Variants in CUL3 observed in about 807,000 individuals in gnomAD.
CUL3 encodes the protein cullin 3.
In CUL3, 19 loss-of-function variants were observed where a neutral mutation model predicts 89.1. The ratio of observed to expected loss-of-function variants is 0.21; its 90% CI spans 0.15 to 0.31. CUL3 has a LOEUF of 0.31. CUL3 is among the 10% of genes least tolerant of loss of function. CUL3 has a pLI of 1.00. For synonymous variants in CUL3, 351 were observed against 308.4 expected, an observed-to-expected ratio of 1.14 and a Z score of -1.45; for missense variants, 469 against 942.3, an observed-to-expected ratio of 0.50 and a Z score of 6.58.
intron 14 of CUL3, among the ~76,000 whole-genome samples, chr2:224,480,787 T>A (rs955552628): frequency 2.6e-5 from 4 of 152,164 alleles, no homozygotes; most frequent in African/African-American, 9.7e-5. Context: ...ATAAAGTAGT[T>A]ATGTCTTGCA....
intron 8 of CUL3, chr2:224,504,124 T>A (rs959818018): frequency 4.8e-6 from 1 of 206,474 alleles, no homozygotes; most frequent in East Asian, 1.1e-4. Context: ...TGAGAACAGA[T>A]GAAATGAAAT....
chr2:224,565,407 A>C (rs928088656), intron 1 of CUL3, among the ~76,000 whole-genome samples: 5 of 152,152 alleles, frequency 3.3e-5, no homozygotes, highest in Non-Finnish European at 5.9e-5. Context: ...GAGATGGAGG[A>C]GGGAGAGGTA....
Position 224,535,627 on chromosome 2 carries a change from T to C in CUL3, c.279A>G (p.Val93=), listed in dbSNP as rs759635188. 4.3e-6 allele frequency: 7 copies of C among 1,612,746 alleles called. No homozygotes were observed. The highest frequency in any genetic ancestry group is 1.1e-5 in the South Asian group (1 of 91,018). ...GAAAGTTGTTATTCAATGAATTTAG[T>C]ACATCTTCTCGCACCTAGTAACAGA... is the stretch of plus-strand genomic sequence containing the variant. ...EHLINKVRED[V]LNSLNNNFLQ... is the part of the protein sequence containing the mutation. Residue 93 remains valine, a synonymous_variant, in exon 3 of 16, where the codon GTA becomes GTG. Coordinates refer to ENST00000264414, the MANE Select transcript of CUL3 (RefSeq NM_003590.5).
At chr2:224,572,807 G>A (rs1467945501) in intron 1 of CUL3, among the ~76,000 whole-genome samples, 4 of 152,030 alleles carry the variant, frequency 2.6e-5, no homozygotes, top group Admixed American at 1.3e-4. Context: ...AAAGAATTCC[G>A]AGAGGACAAT....
At chr2:224,535,667 T>TGCACA (rs1369315153) in intron 2 of CUL3, 26 bp from the exon 3 acceptor site, 43 of 1,398,678 alleles carry the variant, frequency 3.1e-5, no homozygotes, top group Non-Finnish European at 4.2e-5. Flanking sequence ...TTCATTAGTT[T>TGCACA]GCACACACAC....
At chr2:224,548,585 T>C (rs1348202258) in intron 2 of CUL3, among the ~76,000 whole-genome samples, 2 of 152,308 alleles carry the variant, frequency 1.3e-5, no homozygotes, top group African/African-American at 4.8e-5. Flanking sequence ...ATTATTACTA[T>C]GGAGTATTAA....
At chr2:224,500,632 T>TC in intron 10 of CUL3, 145 bp from the exon 11 acceptor site, 1 of 715,912 alleles carries the variant, frequency 1.4e-6, no homozygotes, top group Non-Finnish European at 2.0e-6. Context: ...CTTTTCTTTT[T>TC]TTTTTTTTTT....
intron 1 of CUL3, among the ~76,000 whole-genome samples, chr2:224,581,184 C>G (rs552773666): frequency 1.8e-4 from 27 of 152,180 alleles, no homozygotes; most frequent in African/African-American, 6.5e-4. Context: ...ATCACGACGT[C>G]AGGAGTTCAA....
intron 2 of CUL3, among the ~76,000 whole-genome samples, chr2:224,546,420 A>C (rs775690391): frequency 9.2e-5 from 14 of 152,150 alleles, no homozygotes; most frequent in Admixed American, 6.6e-5. Flanking sequence ...AGATTTAGTA[A>C]TTAACTCGAG....
chr2:224,473,531 A>G lies in CUL3; in HGVS notation c.*714T>C, dbSNP rs1454340193. On this transcript the variant is annotated 3_prime_UTR_variant, in exon 16 of 16. Transcript: ENST00000264414. ...TATTGTACAATTTACACATACTAAA[A>G]TACTTTCTTTCTCTAGAAATAACTC... 5.5e-6 allele frequency: 1 copy of G among 183,054 alleles called. No individual in the cohort carries two copies. Among genetic ancestry groups the G allele is most frequent in the African/African-American group, 2.4e-5 (1 of 42,522 alleles). The allele number at this position is 183,054 out of a possible 1,614,324, so 11.3% of individuals were successfully genotyped here. A position where few individuals can be genotyped will look rare whatever the true frequency, so the allele number is the denominator to read the frequency against.
chr2:224,475,670 G>A (rs1433475993), intron 15 of CUL3, among the ~76,000 whole-genome samples: 7 of 151,904 alleles, frequency 4.6e-5, no homozygotes, highest in Non-Finnish European at 1.0e-4. Flanking sequence ...CCCACCCTTT[G>A]CCCTTCTTTT....
chr2:224,568,761 T>A (rs1210764391), intron 1 of CUL3, among the ~76,000 whole-genome samples: 1 of 152,092 alleles, frequency 6.6e-6, no homozygotes, highest in African/African-American at 2.4e-5. Flanking sequence ...CAGAAGCAGA[T>A]CAATAAGCTA....
intron 1 of CUL3, among the ~76,000 whole-genome samples, chr2:224,571,342 TAACAC>T (rs1402242925): frequency 1.3e-5 from 2 of 152,314 alleles, no homozygotes; most frequent in African/African-American, 4.8e-5. Context: ...TTATACTATT[TAACAC>T]TACTATTTAT....
intron 3 of CUL3, among the ~76,000 whole-genome samples, chr2:224,534,972 G>C (rs1054594064): frequency 3.2e-4 from 48 of 151,330 alleles, no homozygotes; most frequent in African/African-American, 1.1e-3. Context: ...CTGCACTCCA[G>C]CCTGGGGAAC....
chr2:224,558,838 C>T (rs187744135), intron 1 of CUL3, among the ~76,000 whole-genome samples: 24 of 109,358 alleles, frequency 2.2e-4, no homozygotes, highest in Non-Finnish European at 3.5e-4. Context: ...GTCAGGAGAT[C>T]GAGACCATCC....
chr2:224,514,767 A>G lies in CUL3; in HGVS notation c.384T>C (p.Arg128=). Residue 128 remains arginine (R), a synonymous_variant, in exon 4 of 16, where the codon CGT becomes CGC. Coordinates refer to ENST00000264414, the MANE Select transcript of CUL3 (RefSeq NM_003590.5). The part of the protein sequence containing the change: ...MIRDILMYMD[R]VYVQQNNVEN... The stretch of plus-strand genomic sequence containing the variant: ...CCACATTATTTTGTTGTACATACAC[A>G]CGGTCCTACAGTTAAAGTCATATAA... The G allele has an allele frequency of 6.2e-7, 1 of 1,608,070 alleles. No homozygotes were observed. Among genetic ancestry groups the G allele is most frequent in the Non-Finnish European group, 8.5e-7 (1 of 1,174,880 alleles).
In CUL3 at chr2:224,478,272, A is replaced by G. The variant is rs1307741414; in HGVS notation, c.2103T>C (p.His701=). ...TCCGCACTATAGCAGCTTCTATCTC[A>G]TGTTTTCTGTCGTCGTCTACTTTCT... The part of the protein sequence containing the change: ...TRQKVDDDRK[H]EIEAAIVRIM... The change falls in exon 15 of 16, where the codon CAT becomes CAC. Residue 701 remains histidine, a synonymous_variant. Coordinates refer to ENST00000264414, the MANE Select transcript of CUL3 (RefSeq NM_003590.5). The G allele has an allele frequency of 3.7e-6, 6 of 1,609,942 alleles. No individual in the cohort carries two copies. The African/African-American group carries it at 6.7e-5, about 18-fold the overall frequency.
At chr2:224,582,689 T>C (rs778025009) in intron 1 of CUL3, among the ~76,000 whole-genome samples, 18 of 152,198 alleles carry the variant, frequency 1.2e-4, no homozygotes, top group African/African-American at 2.4e-4. Context: ...TCCAGTACTA[T>C]GTGGTAACGT....
At chr2:224,560,660 CTG>C (rs1459108481) in intron 1 of CUL3, 1 of 152,600 alleles carries the variant, frequency 6.6e-6, no homozygotes, top group African/African-American at 2.4e-5. Flanking sequence ...ACCACTTCCA[CTG>C]CTACTATCCT....
Sources: allele counts gnomAD v4.1 joint callset (sites outside exome capture counted in the v4.1 genomes callset), GRCh38; gene constraint gnomAD v4.1.1; transcripts MANE v1.5; gene names NCBI Gene and HGNC (gene_info 2026-07-23, HGNC 2026-07-21).